Variants in ESRRG observed in about 807,000 individuals in gnomAD.
The protein encoded by ESRRG is estrogen-related receptor gamma.
ESRRG carries 13 observed loss-of-function variants against 44.0 expected under a neutral mutation model. That is an observed-to-expected ratio of 0.30 (90% CI 0.19 to 0.47). The LOEUF (loss-of-function observed/expected upper bound fraction) is 0.47, where lower values mean the gene tolerates loss of function less well. ESRRG is among the 20% of genes least tolerant of loss of function. ESRRG has a pLI of 1.00. For synonymous variants in ESRRG, 215 were observed against 214.6 expected (o/e 1.00, Z -0.02); for missense variants, 395 against 580.6 (o/e 0.68, Z 3.29).
chr1:216,752,892 T>C (rs2092152709), intron 2 of ESRRG, among the ~76,000 whole-genome samples: 1 of 152,078 alleles, frequency 6.6e-6, no homozygotes, highest in South Asian at 2.1e-4. Flanking sequence ...AGAATTAAAA[T>C]AGTAAAATTG....
At chr1:217,009,806 A>G (rs900907972) in intron 1 of ESRRG, among the ~76,000 whole-genome samples, 1 of 150,614 alleles carries the variant, frequency 6.6e-6, no homozygotes, top group African/African-American at 2.4e-5. Flanking sequence ...CCTGGGTTCA[A>G]ATGATTCTCC....
intron 1 of ESRRG, among the ~76,000 whole-genome samples, chr1:216,971,758 G>A (rs1256359811): frequency 1.3e-5 from 2 of 152,110 alleles, no homozygotes; most frequent in Non-Finnish European, 2.9e-5. Context: ...TCCCCAGTAG[G>A]ACATACAGCT....
intron 1 of ESRRG, among the ~76,000 whole-genome samples, chr1:217,110,880 C>T (rs564176697): frequency 2.4e-4 from 36 of 152,278 alleles, no homozygotes; most frequent in African/African-American, 8.4e-4. Context: ...GAATCACTGA[C>T]TCTAATTTTT....
intron 1 of ESRRG, among the ~76,000 whole-genome samples, chr1:216,997,390 G>T (rs71643434): frequency 0.17 from 25,597 of 152,178 alleles, 2,883 homozygotes; most frequent in Admixed American, 0.29. Context: ...AGCCTGGCAT[G>T]CAGTGAAACA....
intron 2 of ESRRG, among the ~76,000 whole-genome samples, chr1:216,888,354 T>C (rs748493977): frequency 3.3e-5 from 5 of 152,228 alleles, no homozygotes; most frequent in Non-Finnish European, 7.3e-5. Context: ...TTCAAAGCAA[T>C]ATGCTCTGTT....
intron 2 of ESRRG, among the ~76,000 whole-genome samples, chr1:216,857,985 G>T (rs1178965819): frequency 6.6e-6 from 1 of 152,050 alleles, no homozygotes; most frequent in Non-Finnish European, 1.5e-5. Flanking sequence ...TGCGAATCTT[G>T]GGTCTCAACC....
At chr1:216,613,032 T>A (rs2060886235) in intron 3 of ESRRG, among the ~76,000 whole-genome samples, 1 of 152,218 alleles carries the variant, frequency 6.6e-6, no homozygotes, top group Non-Finnish European at 1.5e-5. Flanking sequence ...GTAAATTGTT[T>A]CTGCTTTCCA....
chr1:216,687,051 G>GTGTC (rs2078139097), intron 1 of ESRRG, among the ~76,000 whole-genome samples: 1 of 134,872 alleles, frequency 7.4e-6, no homozygotes, highest in Non-Finnish European at 1.7e-5. Context: ...GTGTGTCTGT[G>GTGTC]TGTGTGTGTG....
chr1:216,627,200 G>T (rs1351320988), intron 3 of ESRRG, among the ~76,000 whole-genome samples: 1 of 152,162 alleles, frequency 6.6e-6, no homozygotes, highest in Non-Finnish European at 1.5e-5. Flanking sequence ...TAACTAGTTT[G>T]TAGCTACAAA....
chr1:217,136,080 T>G (rs2093045275), intron 1 of ESRRG, among the ~76,000 whole-genome samples: 1 of 152,202 alleles, frequency 6.6e-6, no homozygotes, highest in Non-Finnish European at 1.5e-5. Flanking sequence ...TCTGACCTTC[T>G]CTACCCACCT....
intron 2 of ESRRG, among the ~76,000 whole-genome samples, chr1:216,818,827 A>C (rs2095223212): frequency 6.6e-6 from 1 of 152,008 alleles, no homozygotes; most frequent in African/African-American, 2.4e-5. Context: ...ATGTGTTCTC[A>C]TCACTCAGCT....
intron 2 of ESRRG, among the ~76,000 whole-genome samples, chr1:216,661,033 T>C (rs2072218293): frequency 6.6e-6 from 1 of 152,198 alleles, no homozygotes; most frequent in Non-Finnish European, 1.5e-5. Flanking sequence ...CTGGTAAGTG[T>C]ATAATAAAAA....
upstream of ESRRG, among the ~76,000 whole-genome samples, chr1:216,728,129 A>G (rs1210578193): frequency 6.6e-6 from 1 of 152,188 alleles, no homozygotes; most frequent in African/African-American, 2.4e-5. Context: ...ATTTTACAGT[A>G]TCCTACAAGC....
At chr1:216,530,133 A>AAAT (rs1491152312) in intron 5 of ESRRG, among the ~76,000 whole-genome samples, 1 of 135,960 alleles carries the variant, frequency 7.4e-6, no homozygotes, top group South Asian at 2.3e-4. Flanking sequence ...AAAAAAAAAA[A>AAAT]GGGGGTGGGG....
At position 216,878,019 on chromosome 1, in the gene ESRRG, G is replaced by C. The variant is rs531292453; in HGVS notation, c.-14+61563C>G. 2.0e-5 allele frequency among the ~76,000 whole-genome samples: 3 copies of C among 152,254 alleles called. 1 individual carries two copies. In the South Asian group the frequency reaches 6.2e-4, roughly 32 times the overall value. On this transcript the variant is annotated intron_variant, in intron 2 of 7. Transcript: ENST00000359162. ...AGGCATATCAGGAATAAAACTGCTG[G>C]GTCATGCAGTATGCATATACTGGCT...
intron 2 of ESRRG, among the ~76,000 whole-genome samples, chr1:216,844,876 C>T (rs1363979208): frequency 6.6e-6 from 1 of 152,100 alleles, no homozygotes; most frequent in Non-Finnish European, 1.5e-5. Flanking sequence ...GTTTCATTCA[C>T]TACCAGAACA....
chr1:216,982,576 A>G (rs1271634801), intron 1 of ESRRG, among the ~76,000 whole-genome samples: 1 of 152,172 alleles, frequency 6.6e-6, no homozygotes, highest in Non-Finnish European at 1.5e-5. Context: ...TTTATAAAAC[A>G]CCTTCAGGAG....
intron 4 of ESRRG, among the ~76,000 whole-genome samples, chr1:216,567,452 G>A (rs1435961835): frequency 6.6e-6 from 1 of 152,144 alleles, no homozygotes; most frequent in South Asian, 2.1e-4. Context: ...ACCTATGCTT[G>A]TTATTAGTAG....
At chr1:216,603,945 C>CAAAAAAAAAAAAAAAAAAAAAAAA (rs144012100) in intron 3 of ESRRG, among the ~76,000 whole-genome samples, 1 of 127,366 alleles carries the variant, frequency 7.9e-6, no homozygotes, top group Non-Finnish European at 1.7e-5. Flanking sequence ...AACAAAAAAA[C>CAAAAAAAAAAAAAAAAAAAAAAAA]AAAAAAAAAA....
Sources: gnomAD v4.1 joint callset for allele counts (sites outside exome capture counted in the v4.1 genomes callset) on GRCh38, gnomAD v4.1.1 for gene constraint, MANE v1.5 for transcripts, NCBI Gene and HGNC (gene_info 2026-07-23, HGNC 2026-07-21) for gene names.